LPAR1: variants seen among roughly 807,000 people sequenced by gnomAD.
LPAR1 encodes lysophosphatidic acid receptor 1.
In LPAR1, 5 loss-of-function variants were observed where a neutral mutation model predicts 23.8. The observed-to-expected ratio is 0.21, with a 90% CI of 0.11 to 0.44. The LOEUF (loss-of-function observed/expected upper bound fraction) is 0.44, where lower values mean the gene tolerates loss of function less well. Among genes scored for constraint, LPAR1 ranks in the 20% least tolerant of loss-of-function variants. The pLI, the probability that LPAR1 is intolerant of heterozygous loss-of-function variation, is 0.99. For synonymous variants in LPAR1, 160 were observed against 164.7 expected (o/e 0.97, Z 0.22); for missense variants, 311 against 482.8 (o/e 0.64, Z 3.33).
At position 110,941,729 on chromosome 9, in the gene LPAR1, C is replaced by T. The variant is rs1269617315; in HGVS notation, c.485G>A (p.Arg162Gln). 9.3e-6 allele frequency: 15 copies of T among 1,614,034 alleles called. No homozygotes were observed. Among genetic ancestry groups the T allele is most frequent in the Admixed American group, 1.7e-5 (1 of 60,000 alleles). ...GACCACAATGACCACCACTACCCGC[C>T]GGTTGCTCATCCGTGTGTGGAGCTG... ...RMQLHTRMSNRRVVVVIVVIW... is the reference protein window; with the variant it reads ...RMQLHTRMSNQRVVVVIVVIW... Residue 162 changes from arginine (R) to glutamine (Q), a missense_variant, in exon 5 of 6, where the codon CGG (arginine) becomes CAG (glutamine). Arg to Gln is a conservative substitution (Grantham distance 43, BLOSUM62 1). Coordinates refer to ENST00000683809, the MANE Select transcript of LPAR1 (RefSeq NM_001351411.2). The surrounding 1 kb of genome is among the most constrained non-coding windows in gnomAD (Gnocchi z 6.1).
At chr9:110,910,520 C>T (rs1389252450) in intron 5 of LPAR1, among the ~76,000 whole-genome samples, 1 of 152,034 alleles carries the variant, frequency 6.6e-6, no homozygotes, top group Non-Finnish European at 1.5e-5. Context: ...ATTCTGCAGC[C>T]CATGGATCAA....
intron 2 of LPAR1, among the ~76,000 whole-genome samples, chr9:110,984,770 A>C (rs992931067): frequency 5.3e-5 from 8 of 151,406 alleles, no homozygotes; most frequent in African/African-American, 1.9e-4. Flanking sequence ...AGTAACGGTG[A>C]CAAAAAAAAA....
At chr9:110,919,143 T>A (rs2093429471) in intron 5 of LPAR1, among the ~76,000 whole-genome samples, 1 of 152,102 alleles carries the variant, frequency 6.6e-6, no homozygotes, top group Non-Finnish European at 1.5e-5. Flanking sequence ...TTACCCTGGG[T>A]CAGTTGGACT....
intron 5 of LPAR1, among the ~76,000 whole-genome samples, chr9:110,881,721 G>GC (rs2080903102): frequency 6.6e-6 from 1 of 152,150 alleles, no homozygotes; most frequent in South Asian, 2.1e-4. Context: ...TCTGCCAATT[G>GC]CAACAGGCTC....
At chr9:110,923,827 G>C (rs2093810595) in intron 5 of LPAR1, among the ~76,000 whole-genome samples, 1 of 152,170 alleles carries the variant, frequency 6.6e-6, no homozygotes, top group Non-Finnish European at 1.5e-5. Flanking sequence ...AAGTAACACT[G>C]TTAATCACCA....
At chr9:110,894,400 C>T (rs1345765092) in intron 5 of LPAR1, among the ~76,000 whole-genome samples, 7 of 152,228 alleles carry the variant, frequency 4.6e-5, no homozygotes, top group Admixed American at 4.6e-4. Flanking sequence ...ACTTTCAGCA[C>T]TATTGTGAGG....
intron 5 of LPAR1, among the ~76,000 whole-genome samples, chr9:110,892,826 AAGGCAGGC>A (rs1167070374): frequency 3.1e-5 from 2 of 65,430 alleles, no homozygotes; most frequent in Non-Finnish European, 5.7e-5. Flanking sequence ...GGAAGGAAGG[AAGGCAGGC>A]AGGCAGGCAG....
intron 5 of LPAR1, among the ~76,000 whole-genome samples, chr9:110,903,948 G>A (rs1223668161): frequency 6.7e-6 from 1 of 149,858 alleles, no homozygotes; most frequent in African/African-American, 2.5e-5. Flanking sequence ...ACCTATTAGG[G>A]AACATCAACT....
At chr9:111,010,001 ATATATATATATATATATATATATAT>A (rs2097299925) in intron 2 of LPAR1, among the ~76,000 whole-genome samples, 1 of 2,192 alleles carries the variant, frequency 4.6e-4, no homozygotes, top group African/African-American at 1.7e-3. Flanking sequence ...TTAGGAAAAT[ATATATATATATATATATATATATAT>A]ATATATATAT....
chr9:110,983,756 A>G (rs559946691), intron 2 of LPAR1, among the ~76,000 whole-genome samples: 1 of 152,174 alleles, frequency 6.6e-6, no homozygotes, highest in African/African-American at 2.4e-5. Flanking sequence ...AATTAAAAGA[A>G]ATCCCATTAA....
intron 5 of LPAR1, among the ~76,000 whole-genome samples, chr9:110,897,525 T>C (rs2086852154): frequency 6.6e-6 from 1 of 152,242 alleles, no homozygotes; most frequent in African/African-American, 2.4e-5. Context: ...CTGGAAAAGT[T>C]CTTATGCATC....
At chr9:110,887,165 A>G (rs538171661) in intron 5 of LPAR1, among the ~76,000 whole-genome samples, 119 of 152,226 alleles carry the variant, frequency 7.8e-4, no homozygotes, top group Admixed American at 2.7e-3. Context: ...TTTTCTTTGC[A>G]GTTCATGAAT....
intron 2 of LPAR1, among the ~76,000 whole-genome samples, chr9:111,028,906 A>T (rs1053007406): frequency 3.9e-5 from 6 of 152,046 alleles, no homozygotes; most frequent in African/African-American, 1.4e-4. Flanking sequence ...TATTGTAAGG[A>T]TTTTTTTCCA....
intron 5 of LPAR1, among the ~76,000 whole-genome samples, chr9:110,936,690 T>C (rs2094729235): frequency 6.6e-6 from 1 of 152,152 alleles, no homozygotes; most frequent in African/African-American, 2.4e-5. Flanking sequence ...AGAAAAACAG[T>C]GTCTCCCTCT....
chr9:110,975,296 T>C (rs1394125764), intron 2 of LPAR1, among the ~76,000 whole-genome samples: 1 of 152,134 alleles, frequency 6.6e-6, no homozygotes, highest in African/African-American at 2.4e-5. Flanking sequence ...AACAAATATG[T>C]CATATGACGT....
At chr9:110,925,338 A>T (rs1269452750) in intron 5 of LPAR1, among the ~76,000 whole-genome samples, 2 of 151,938 alleles carry the variant, frequency 1.3e-5, no homozygotes, top group Admixed American at 6.6e-5. Flanking sequence ...AAGATGCTTG[A>T]GCAGATGCTG....
intron 2 of LPAR1, among the ~76,000 whole-genome samples, chr9:111,021,357 C>A (rs996601112): frequency 6.6e-6 from 1 of 152,100 alleles, no homozygotes; most frequent in Non-Finnish European, 1.5e-5. Context: ...TTGCCAAGTA[C>A]CTTTAATTCT....
intron 2 of LPAR1, among the ~76,000 whole-genome samples, chr9:111,026,666 T>A (rs2097697950): frequency 6.6e-6 from 1 of 152,226 alleles, no homozygotes; most frequent in Admixed American, 6.5e-5. Flanking sequence ...TGTGGGTCTG[T>A]CATAAATAGC....
At chr9:111,037,196 G>C (rs1357823504) in intron 1 of LPAR1, among the ~76,000 whole-genome samples, 1 of 152,140 alleles carries the variant, frequency 6.6e-6, no homozygotes. Context: ...AGAGGATTTC[G>C]CTGTGATCAT....
Sources: allele counts gnomAD v4.1 joint callset (sites outside exome capture counted in the v4.1 genomes callset), GRCh38; gene constraint gnomAD v4.1.1; non-coding constraint Gnocchi (gnomAD v3.1); transcripts MANE v1.5; gene names NCBI Gene and HGNC (gene_info 2026-07-23, HGNC 2026-07-21).